GRAMD1B: variants seen among roughly 807,000 people sequenced by gnomAD.
GRAMD1B encodes GRAM domain containing 1B, also known as protein Aster-B.
GRAMD1B carries 37 observed loss-of-function variants against 99.7 expected under a neutral mutation model. The observed-to-expected ratio is 0.37, with a 90% CI of 0.29 to 0.49. The LOEUF (loss-of-function observed/expected upper bound fraction) is 0.49, where lower values mean the gene tolerates loss of function less well. Ranked by LOEUF, GRAMD1B falls within the 20% of genes least tolerant of loss-of-function variation. The pLI, the probability that GRAMD1B is intolerant of heterozygous loss-of-function variation, is 0.98. For missense variants in GRAMD1B, 888 were observed against 1,009.2 expected, an observed-to-expected ratio of 0.88 and a Z score of 1.63; for synonymous variants, 427 against 387.6, an observed-to-expected ratio of 1.10 and a Z score of -1.19.
At chr11:123,401,403 T>C (rs1947657464) in intron 1 of GRAMD1B, among the ~76,000 whole-genome samples, 1 of 152,226 alleles carries the variant, frequency 6.6e-6, no homozygotes, top group South Asian at 2.1e-4. Flanking sequence ...AGTCACTCAG[T>C]AGGCAGGCAT....
chr11:123,617,124 G>A (rs948283169), intron 17 of GRAMD1B, among the ~76,000 whole-genome samples: 11 of 151,062 alleles, frequency 7.3e-5, no homozygotes, highest in Middle Eastern at 3.4e-3. Flanking sequence ...TTCTTTCTTC[G>A]CTGGTCTTTT....
intron 2 of GRAMD1B, among the ~76,000 whole-genome samples, chr11:123,575,632 A>G (rs1227534133): frequency 1.3e-5 from 2 of 152,206 alleles, no homozygotes; most frequent in Non-Finnish European, 2.9e-5. Context: ...GGCTCACCCC[A>G]GAAAGACGTG....
At chr11:123,615,833 A>G (rs532356995) in intron 17 of GRAMD1B, among the ~76,000 whole-genome samples, 3 of 152,346 alleles carry the variant, frequency 2.0e-5, no homozygotes, top group African/African-American at 7.2e-5. Flanking sequence ...GTGTGAATGA[A>G]AGCATCCATA....
intron 2 of GRAMD1B, among the ~76,000 whole-genome samples, chr11:123,484,981 C>A (rs1196650374): frequency 1.3e-5 from 2 of 152,144 alleles, no homozygotes; most frequent in Admixed American, 1.3e-4. Context: ...CTCGTTCTGG[C>A]CCCCTCTGAG....
At chr11:123,394,497 T>A (rs1053016925) in intron 1 of GRAMD1B, among the ~76,000 whole-genome samples, 3 of 152,238 alleles carry the variant, frequency 2.0e-5, no homozygotes, top group Non-Finnish European at 4.4e-5. Context: ...ATGCTTCATC[T>A]TGAAACCTCC....
chr11:123,542,381 G>C (rs1395077126), intron 2 of GRAMD1B, among the ~76,000 whole-genome samples: 1 of 152,236 alleles, frequency 6.6e-6, no homozygotes, highest in Non-Finnish European at 1.5e-5. Flanking sequence ...GTCATGGGAT[G>C]CCTTTGAGAA....
chr11:123,465,679 G>T (rs1688680080), intron 1 of GRAMD1B, among the ~76,000 whole-genome samples: 1 of 151,628 alleles, frequency 6.6e-6, no homozygotes, highest in African/African-American at 2.4e-5. Context: ...TGAGGCAGGA[G>T]AATCACTTGA....
At chr11:123,560,683 C>CGTGTGTGT (rs749623875) in intron 2 of GRAMD1B, 42 of 426,330 alleles carry the variant, frequency 9.9e-5, no homozygotes, top group Non-Finnish European at 1.4e-4. Context: ...ACGCCTGGTG[C>CGTGTGTGT]GTGTGTGTGT....
At chr11:123,372,960 C>T (rs1049502241) in intron 1 of GRAMD1B, among the ~76,000 whole-genome samples, 4 of 151,836 alleles carry the variant, frequency 2.6e-5, no homozygotes, top group Middle Eastern at 3.2e-3. Context: ...GCCAACATGG[C>T]GAAAACCATC....
At chr11:123,418,672 C>T (rs1948317256) in intron 1 of GRAMD1B, among the ~76,000 whole-genome samples, 1 of 152,096 alleles carries the variant, frequency 6.6e-6, no homozygotes, top group Non-Finnish European at 1.5e-5. Flanking sequence ...TCAGAGCTGC[C>T]CCTAGGAAAA....
At chr11:123,582,263 G>C (rs1949440457) in intron 3 of GRAMD1B, among the ~76,000 whole-genome samples, 1 of 152,232 alleles carries the variant, frequency 6.6e-6, no homozygotes, top group South Asian at 2.1e-4. Context: ...CCTAGGCGCA[G>C]ACGCCAGACG....
At chr11:123,417,618 A>C (rs1345293376) in intron 1 of GRAMD1B, among the ~76,000 whole-genome samples, 2 of 152,156 alleles carry the variant, frequency 1.3e-5, no homozygotes, top group African/African-American at 4.8e-5. Context: ...CATACCCCCA[A>C]AATATGCACA....
intron 1 of GRAMD1B, among the ~76,000 whole-genome samples, chr11:123,447,900 G>GT (rs898808274): frequency 5.3e-5 from 8 of 151,680 alleles, no homozygotes; most frequent in Admixed American, 2.6e-4. Flanking sequence ...AACCTAGTTT[G>GT]TTTTTTTTAA....
At chr11:123,377,403 A>G (rs1440175720) in intron 1 of GRAMD1B, among the ~76,000 whole-genome samples, 1 of 152,222 alleles carries the variant, frequency 6.6e-6, no homozygotes, top group Non-Finnish European at 1.5e-5. Context: ...AAAGAGAGCA[A>G]AATGCGTGGT....
rs774804789 is a variant in GRAMD1B, at chr11:123,605,291, G to A, written c.1167-31G>A. On this transcript the variant is annotated intron_variant, in intron 9 of 19. Coordinates refer to ENST00000635736, the MANE Select transcript of GRAMD1B (RefSeq NM_001387025.1). ...AGTTGGCCATCTTGAACCACTGAGG[G>A]TAATGTGGACTCACTGGTGTCTCCT... 3.3e-5 allele frequency: 51 copies of A among 1,535,810 alleles called. No homozygotes were observed. The Admixed American group carries it at 9.3e-4, about 28-fold the overall frequency.
At chr11:123,423,059 C>T (rs954250939) in intron 1 of GRAMD1B, among the ~76,000 whole-genome samples, 4 of 152,150 alleles carry the variant, frequency 2.6e-5, no homozygotes, top group Admixed American at 2.6e-4. Flanking sequence ...CTTCACACTA[C>T]TTACTATTAA....
intron 2 of GRAMD1B, among the ~76,000 whole-genome samples, chr11:123,503,916 T>C (rs1438263403): frequency 1.3e-5 from 2 of 152,230 alleles, no homozygotes; most frequent in African/African-American, 4.8e-5. Flanking sequence ...ATAGTATTAT[T>C]ATGACCTCCA....
chr11:123,360,319 C>A (rs988829428), intron 1 of GRAMD1B, among the ~76,000 whole-genome samples: 2 of 152,172 alleles, frequency 1.3e-5, no homozygotes, highest in East Asian at 1.9e-4. Flanking sequence ...ATTTATGGGA[C>A]CTTCACTGCA....
intron 2 of GRAMD1B, among the ~76,000 whole-genome samples, chr11:123,502,891 G>A (rs1212710327): frequency 6.6e-6 from 1 of 152,010 alleles, no homozygotes. Context: ...GCTTACATTA[G>A]CCTATAGTTG....
Sources: allele counts gnomAD v4.1 joint callset (sites outside exome capture counted in the v4.1 genomes callset), GRCh38; gene constraint gnomAD v4.1.1; transcripts MANE v1.5; gene names NCBI Gene and HGNC (gene_info 2026-07-23, HGNC 2026-07-21).